The following KIF26B variants were observed in gnomAD, a reference collection of about 807,000 sequenced individuals.
KIF26B encodes kinesin-like protein KIF26B.
KIF26B carries 63 observed loss-of-function variants against 151.2 expected under a neutral mutation model. The ratio of observed to expected loss-of-function variants is 0.42; its 90% CI spans 0.34 to 0.51. The LOEUF is 0.51. Ranked by LOEUF, KIF26B falls within the 20% of genes least tolerant of loss-of-function variation. KIF26B has a pLI of 0.07. For synonymous variants in KIF26B, 1,357 were observed against 1,262.1 expected (o/e 1.08, Z -1.59); for missense variants, 2,813 against 2,913.6 (o/e 0.97, Z 0.79).
intron 4 of KIF26B, among the ~76,000 whole-genome samples, chr1:245,508,757 G>T (rs956051879): frequency 6.6e-6 from 1 of 152,134 alleles, no homozygotes; most frequent in Admixed American, 6.5e-5. Context: ...ATGGAAGTGT[G>T]ACACCTTTCT....
At chr1:245,486,216 G>A (rs1370661624) in intron 4 of KIF26B, among the ~76,000 whole-genome samples, 1 of 152,216 alleles carries the variant, frequency 6.6e-6, no homozygotes, top group Non-Finnish European at 1.5e-5. Flanking sequence ...GGCTGAAACT[G>A]CTTCAGTAAG....
At chr1:245,468,274 AC>A (rs1659838332) in intron 4 of KIF26B, among the ~76,000 whole-genome samples, 1 of 152,054 alleles carries the variant, frequency 6.6e-6, no homozygotes, top group Admixed American at 6.5e-5. Flanking sequence ...ACCATAAACC[AC>A]TTTTCCTTAA....
intron 8 of KIF26B, among the ~76,000 whole-genome samples, chr1:245,610,424 A>G (rs1572156495): frequency 6.6e-6 from 1 of 152,170 alleles, no homozygotes; most frequent in Non-Finnish European, 1.5e-5. Context: ...AGAGTTTCCA[A>G]TTCAGTAGGT....
At chr1:245,644,284 C>G (rs1235177264) in intron 9 of KIF26B, among the ~76,000 whole-genome samples, 2 of 151,960 alleles carry the variant, frequency 1.3e-5, no homozygotes, top group East Asian at 3.8e-4. Flanking sequence ...ATCTCATCTA[C>G]TATATTTTTT....
chr1:245,558,439 C>T (rs1382090209), intron 5 of KIF26B, among the ~76,000 whole-genome samples: 1 of 152,230 alleles, frequency 6.6e-6, no homozygotes, highest in Non-Finnish European at 1.5e-5. Context: ...TCCTCCTTTG[C>T]TCTGAATTCA....
chr1:245,610,047 G>T (rs1037253490), intron 8 of KIF26B, among the ~76,000 whole-genome samples: 2 of 152,218 alleles, frequency 1.3e-5, no homozygotes, highest in Non-Finnish European at 2.9e-5. Flanking sequence ...AGGATGCTAA[G>T]CCTGTTGGGA....
At chr1:245,401,936 G>GCAACAA (rs1674012173) in intron 3 of KIF26B, among the ~76,000 whole-genome samples, 1 of 151,798 alleles carries the variant, frequency 6.6e-6, no homozygotes, top group Admixed American at 6.6e-5. Flanking sequence ...CCCCGAAACA[G>GCAACAA]CAACAACAAC....
intron 2 of KIF26B, among the ~76,000 whole-genome samples, chr1:245,339,003 C>T (rs1235850252): frequency 6.9e-6 from 1 of 145,140 alleles, no homozygotes; most frequent in African/African-American, 2.6e-5. Flanking sequence ...TTTTTTGAGA[C>T]GTAATCTCGC....
intron 9 of KIF26B, among the ~76,000 whole-genome samples, chr1:245,632,670 G>A (rs2043793470): frequency 6.6e-6 from 1 of 152,212 alleles, no homozygotes; most frequent in African/African-American, 2.4e-5. Context: ...CACTTTGGAA[G>A]GCCAAGGCGG....
chr1:245,203,066 A>G (rs1298928645), intron 2 of KIF26B, among the ~76,000 whole-genome samples: 1 of 151,724 alleles, frequency 6.6e-6, no homozygotes, highest in Admixed American at 6.6e-5. Flanking sequence ...CAGCCTGGAC[A>G]ACATTTTTAG....
intron 1 of KIF26B, 93 bp from the exon 2 acceptor site, chr1:245,156,189 G>A: frequency 6.8e-7 from 1 of 1,472,696 alleles, no homozygotes; most frequent in Non-Finnish European, 8.9e-7. Flanking sequence ...TGGGCGGTTC[G>A]AGCGGGTACT....
intron 4 of KIF26B, among the ~76,000 whole-genome samples, chr1:245,509,290 T>C (rs901318707): frequency 1.3e-5 from 2 of 152,248 alleles, no homozygotes; most frequent in African/African-American, 2.4e-5. Flanking sequence ...AGCCGTTCTC[T>C]ATGTCTGGGA....
At chr1:245,587,648 A>G (rs1372425760) in intron 5 of KIF26B, among the ~76,000 whole-genome samples, 1 of 152,184 alleles carries the variant, frequency 6.6e-6, no homozygotes, top group Non-Finnish European at 1.5e-5. Context: ...TTGGAAATAC[A>G]AAAGTGTAGT....
intron 9 of KIF26B, among the ~76,000 whole-genome samples, chr1:245,640,143 C>CTCTCTATATATATATATATATATA: frequency 3.1e-5 from 1 of 31,934 alleles, no homozygotes; most frequent in Non-Finnish European, 5.9e-5. Flanking sequence ...CTCTCTCTCT[C>CTCTCTATATATATATATATATATA]TATATATATA....
intron 5 of KIF26B, among the ~76,000 whole-genome samples, chr1:245,556,334 TCCTCCTTCCTC>T (rs1280803239): frequency 2.3e-4 from 31 of 137,226 alleles, no homozygotes; most frequent in African/African-American, 8.4e-4. Flanking sequence ...TCCTCCTTCT[TCCTCCTTCCTC>T]CCTCCTCCTC....
At chr1:245,559,868 C>T (rs953353862) in intron 5 of KIF26B, among the ~76,000 whole-genome samples, 1 of 151,892 alleles carries the variant, frequency 6.6e-6, no homozygotes, top group African/African-American at 2.4e-5. Context: ...TTGTTTTGCT[C>T]CTGTAGGTCT....
chr1:245,467,775 A>G (rs1659827440), intron 4 of KIF26B, among the ~76,000 whole-genome samples: 1 of 152,076 alleles, frequency 6.6e-6, no homozygotes, highest in Admixed American at 6.6e-5. Flanking sequence ...TGTGCCTGTA[A>G]TCCCAGCTAC....
intron 4 of KIF26B, among the ~76,000 whole-genome samples, chr1:245,517,222 G>A (rs375155072): frequency 1.3e-5 from 2 of 152,226 alleles, no homozygotes; most frequent in South Asian, 2.1e-4. Flanking sequence ...AGCCGGGCGT[G>A]GTGACACGTG....
At chr1:245,556,390 CCTTCTTT>C (rs139557017) in intron 5 of KIF26B, among the ~76,000 whole-genome samples, 11,797 of 138,628 alleles carry the variant, frequency 0.085, 1,035 homozygotes, top group African/African-American at 0.24. Flanking sequence ...TCTTCTTCTT[CCTTCTTT>C]CTTCTTTCTT....
Sources: allele counts gnomAD v4.1 joint callset (sites outside exome capture counted in the v4.1 genomes callset), GRCh38; gene constraint gnomAD v4.1.1; transcripts MANE v1.5; gene names NCBI Gene and HGNC (gene_info 2026-07-23, HGNC 2026-07-21).